ASB3: variants seen among roughly 807,000 people sequenced by gnomAD.
ASB3 encodes ankyrin repeat and SOCS box protein 3.
In ASB3, 41 loss-of-function variants were observed where a neutral mutation model predicts 54.5. That is an observed-to-expected ratio of 0.75 (90% CI 0.59 to 0.98). The LOEUF (loss-of-function observed/expected upper bound fraction) is 0.98, where lower values mean the gene tolerates loss of function less well. Among genes scored for constraint, ASB3 ranks in the 50% least tolerant of loss-of-function variants. The pLI, the probability that ASB3 is intolerant of heterozygous loss-of-function variation, is 0.00. For synonymous variants in ASB3, 266 were observed against 221.2 expected, an observed-to-expected ratio of 1.20 and a Z score of -1.80; for missense variants, 733 against 620.0, an observed-to-expected ratio of 1.18 and a Z score of -1.94.
intron 2 of ASB3, among the ~76,000 whole-genome samples, chr2:53,751,693 C>G (rs1672524553): frequency 6.6e-6 from 1 of 151,798 alleles, no homozygotes; most frequent in Non-Finnish European, 1.5e-5. Context: ...AAAACTTAAA[C>G]ATTTTCTTGA....
intron 1 of ASB3, chr2:53,774,565 T>C (rs1674199854): frequency 6.4e-6 from 9 of 1,403,806 alleles, no homozygotes; most frequent in African/African-American, 2.9e-5. Context: ...ACAATGACAA[T>C]ATGATTTGGA....
At chr2:53,746,783 C>A (rs995140040) in intron 3 of ASB3, among the ~76,000 whole-genome samples, 2 of 152,068 alleles carry the variant, frequency 1.3e-5, no homozygotes, top group Admixed American at 6.6e-5. Context: ...CCTGGCCCTT[C>A]CACATTATGT....
At chr2:53,771,467 C>G (rs1673904717) in intron 1 of ASB3, among the ~76,000 whole-genome samples, 2 of 151,974 alleles carry the variant, frequency 1.3e-5, no homozygotes, top group African/African-American at 2.4e-5. Context: ...GAGCCAAGAT[C>G]GCACCACTGC....
chr2:53,676,501 C>T (rs2103639761), intron 9 of ASB3, among the ~76,000 whole-genome samples: 1 of 152,134 alleles, frequency 6.6e-6, no homozygotes, highest in South Asian at 2.1e-4. Flanking sequence ...CGATGGTGGC[C>T]CCACAAGATT....
rs1271794983 is a variant in ASB3 at position 53,674,408 on chromosome 2, T to C, written c.1370-3718A>G. Among the ~76,000 whole-genome samples the C allele has an allele frequency of 7.2e-5, 11 of 152,342 alleles. No individual in the cohort carries two copies. In the East Asian group the frequency reaches 1.4e-3, roughly 19 times the overall value. ...TTCCTCTATTTTGTTCATTTTGTTA[T>C]ATGTACTGGCAGAACAATCAAAATA... is the stretch of plus-strand genomic sequence containing the variant. On this transcript the variant is annotated intron_variant, in intron 9 of 9. Coordinates refer to ENST00000263634, the MANE Select transcript of ASB3 (RefSeq NM_016115.5).
intron 3 of ASB3, among the ~76,000 whole-genome samples, chr2:53,743,190 T>C (rs1672030845): frequency 6.9e-6 from 1 of 144,252 alleles, no homozygotes; most frequent in Admixed American, 7.1e-5. Flanking sequence ...TTTGCAGAGA[T>C]GGGGTGGTCT....
chr2:53,771,107 G>A (rs1673872384), intron 1 of ASB3, among the ~76,000 whole-genome samples: 1 of 152,162 alleles, frequency 6.6e-6, no homozygotes, highest in Non-Finnish European at 1.5e-5. Context: ...AACTCTGGAG[G>A]TGTGGCCTAA....
chr2:53,758,271 A>G (rs1239623741), intron 2 of ASB3, among the ~76,000 whole-genome samples: 1 of 152,204 alleles, frequency 6.6e-6, no homozygotes, highest in African/African-American at 2.4e-5. Flanking sequence ...CCACGGAAAA[A>G]GGCACATGGG....
In ASB3 at chr2:53,670,292, A is replaced by ATTTTTT; in HGVS notation, c.*205_*210dup. 1 of 178,376 alleles carries ATTTTTT rather than the reference A, an allele frequency of 5.6e-6. No individual in the cohort carries two copies. 11.0% of individuals were successfully genotyped at this position (178,376 alleles called of 1,614,324 possible). On this transcript the variant is annotated 3_prime_UTR_variant, in exon 10 of 10. Transcript: ENST00000263634. Reference sequence around the variant, plus strand: ...TAAAGTAATATAAGTGATGTTTACAATTTTTTTTTTTTTTTTTTTTTTTTT... The same window carrying ATTTTTT: ...TAAAGTAATATAAGTGATGTTTACAATTTTTTTTTTTTTTTTTTTTTTTTTTTTTTT...
At chr2:53,753,010 T>C (rs940075524) in intron 2 of ASB3, among the ~76,000 whole-genome samples, 2 of 151,866 alleles carry the variant, frequency 1.3e-5, no homozygotes, top group African/African-American at 4.8e-5. Flanking sequence ...TATTATGCCT[T>C]ACAGCAGAAA....
chr2:53,689,845 T>G (rs1488487798), intron 9 of ASB3, among the ~76,000 whole-genome samples: 1 of 152,196 alleles, frequency 6.6e-6, no homozygotes, highest in Admixed American at 6.5e-5. Flanking sequence ...TACTTAAACA[T>G]ATGTTCTCAA....
In ASB3 at chr2:53,692,940, T is replaced by C. The variant is rs548466031; in HGVS notation, c.1369+944A>G. 6.6e-5 allele frequency among the ~76,000 whole-genome samples: 10 copies of C among 152,316 alleles called. No homozygotes were observed. The South Asian group carries it at 2.1e-3, about 32-fold the overall frequency. ...ATTCTTTTTCTTTAACAGAAACCTC[T>C]CTTAACAGTTTGAATACACCTCAGT... On this transcript the variant is annotated intron_variant, in intron 9 of 9. Transcript: ENST00000263634.
intron 5 of ASB3, among the ~76,000 whole-genome samples, chr2:53,721,883 C>G (rs1386755366): frequency 6.6e-6 from 1 of 151,702 alleles, no homozygotes; most frequent in Non-Finnish European, 1.5e-5. Flanking sequence ...AAAATCCATA[C>G]AAAGGATCAA....
chr2:53,719,990 A>G (rs1049362123), intron 5 of ASB3, among the ~76,000 whole-genome samples: 4 of 152,186 alleles, frequency 2.6e-5, no homozygotes. Context: ...AAAAATAGCT[A>G]CTAAGATTAG....
At chr2:53,768,172 G>A in intron 1 of ASB3, 1 of 896,592 alleles carries the variant, frequency 1.1e-6, no homozygotes, top group South Asian at 1.9e-5. Context: ...GATTTTCCCT[G>A]CCACCTGCCC....
chr2:53,733,136 A>G (rs907866435), intron 3 of ASB3, among the ~76,000 whole-genome samples: 1 of 152,200 alleles, frequency 6.6e-6, no homozygotes, highest in Non-Finnish European at 1.5e-5. Flanking sequence ...AATTCCATGG[A>G]GATAGTGGGA....
At chr2:53,671,518 G>A (rs1292519103) in intron 9 of ASB3, among the ~76,000 whole-genome samples, 2 of 152,144 alleles carry the variant, frequency 1.3e-5, no homozygotes, top group African/African-American at 2.4e-5. Flanking sequence ...CCAGTACTTT[G>A]GGAGGCTGAG....
At chr2:53,705,506 G>A (rs1669721754) in intron 7 of ASB3, among the ~76,000 whole-genome samples, 1 of 152,112 alleles carries the variant, frequency 6.6e-6, no homozygotes, top group South Asian at 2.1e-4. Context: ...GAGAGACTAG[G>A]TCTCCCTTAC....
intron 3 of ASB3, among the ~76,000 whole-genome samples, chr2:53,731,628 T>C (rs1671320857): frequency 2.0e-5 from 3 of 152,282 alleles, no homozygotes; most frequent in African/African-American, 7.2e-5. Flanking sequence ...CACATAAATA[T>C]ATACACTGAC....
Sources: gnomAD v4.1 joint callset for allele counts (sites outside exome capture counted in the v4.1 genomes callset) on GRCh38, gnomAD v4.1.1 for gene constraint, MANE v1.5 for transcripts, NCBI Gene and HGNC (gene_info 2026-07-23, HGNC 2026-07-21) for gene names.